Variants in SERGEF observed in about 807,000 individuals in gnomAD.
SERGEF encodes the protein secretion regulating guanine nucleotide exchange factor.
SERGEF carries 51 observed loss-of-function variants against 50.0 expected under a neutral mutation model. The observed-to-expected ratio is 1.02, with a 90% CI of 0.81 to 1.29. The LOEUF is 1.29. Ranked by LOEUF, SERGEF falls within the 50% of genes most tolerant of loss-of-function variation. SERGEF has a pLI of 0.00. For missense variants in SERGEF, 521 were observed against 557.0 expected (o/e 0.94, Z 0.65); for synonymous variants, 205 against 212.4 (o/e 0.97, Z 0.30).
chr11:17,865,065 G>A (rs140289263), intron 10 of SERGEF, among the ~76,000 whole-genome samples: 190 of 152,254 alleles, frequency 1.2e-3, no homozygotes, highest in Admixed American at 0.01. Context: ...ATGCTATTTT[G>A]TTGACCAAAA....
intron 9 of SERGEF, among the ~76,000 whole-genome samples, chr11:17,897,960 C>T (rs992128049): frequency 6.6e-6 from 1 of 152,138 alleles, no homozygotes; most frequent in African/African-American, 2.4e-5. Flanking sequence ...AATTTGAAAC[C>T]TTAAAATACA....
intron 4 of SERGEF, chr11:18,002,194 T>C: frequency 2.8e-6 from 1 of 352,874 alleles, no homozygotes; most frequent in South Asian, 2.3e-5. Flanking sequence ...TACATGTGAC[T>C]TCAGTCTCTT....
At chr11:17,972,209 A>T (rs1853261794) in intron 8 of SERGEF, among the ~76,000 whole-genome samples, 1 of 152,272 alleles carries the variant, frequency 6.6e-6, no homozygotes, top group African/African-American at 2.4e-5. Flanking sequence ...ACAAAGCAGC[A>T]GCAGGGTTTG....
At chr11:17,903,232 T>C (rs1386533047) in intron 9 of SERGEF, among the ~76,000 whole-genome samples, 1 of 152,198 alleles carries the variant, frequency 6.6e-6, no homozygotes, top group African/African-American at 2.4e-5. Context: ...CTAGTCTCTC[T>C]GAACCCCTGG....
At chr11:17,902,976 G>A (rs1338170893) in intron 9 of SERGEF, among the ~76,000 whole-genome samples, 3 of 152,214 alleles carry the variant, frequency 2.0e-5, no homozygotes, top group Non-Finnish European at 2.9e-5. Context: ...AGAATCCAGA[G>A]AGTTGATGCC....
intron 10 of SERGEF, among the ~76,000 whole-genome samples, chr11:17,828,756 C>T (rs1850245827): frequency 6.6e-6 from 1 of 152,158 alleles, no homozygotes; most frequent in Non-Finnish European, 1.5e-5. Context: ...AAAGAAATGT[C>T]CAACATCTGA....
intron 9 of SERGEF, among the ~76,000 whole-genome samples, chr11:17,950,397 A>G (rs1852753075): frequency 1.3e-5 from 2 of 152,202 alleles, no homozygotes; most frequent in Admixed American, 1.3e-4. Context: ...AGTTTCTTTC[A>G]CATAGAAAGT....
At chr11:17,933,528 T>C (rs1852392947) in intron 9 of SERGEF, among the ~76,000 whole-genome samples, 1 of 152,142 alleles carries the variant, frequency 6.6e-6, no homozygotes, top group Admixed American at 6.6e-5. Context: ...TCCATCTATC[T>C]GGGCTTCAGG....
At chr11:17,853,345 C>G (rs542748500) in intron 10 of SERGEF, among the ~76,000 whole-genome samples, 3 of 152,192 alleles carry the variant, frequency 2.0e-5, no homozygotes, top group African/African-American at 7.2e-5. Flanking sequence ...TTCATTTCTT[C>G]TCCTTCCCCT....
chr11:17,826,405 C>T (rs1248995519), intron 10 of SERGEF, among the ~76,000 whole-genome samples: 1 of 152,174 alleles, frequency 6.6e-6, no homozygotes, highest in Non-Finnish European at 1.5e-5. Context: ...TCGGGCTCCC[C>T]AGTGGGAGTT....
At chr11:17,793,451 C>G (rs1459055999) in intron 10 of SERGEF, among the ~76,000 whole-genome samples, 1 of 152,250 alleles carries the variant, frequency 6.6e-6, no homozygotes, top group Non-Finnish European at 1.5e-5. Context: ...CCTAACCTCA[C>G]TTAGGGCCAC....
chr11:17,879,797 T>G (rs1180325474), intron 9 of SERGEF, among the ~76,000 whole-genome samples: 1 of 152,170 alleles, frequency 6.6e-6, no homozygotes, highest in African/African-American at 2.4e-5. Context: ...CATTCCACCA[T>G]GCGTATATAT....
At chr11:17,818,915 CCT>C (rs1251684803) in intron 10 of SERGEF, among the ~76,000 whole-genome samples, 1 of 152,168 alleles carries the variant, frequency 6.6e-6, no homozygotes, top group Admixed American at 6.5e-5. Flanking sequence ...CTTGCAAGGC[CCT>C]CTCTCCAAAG....
At chr11:17,799,836 T>C (rs1400781625) in intron 10 of SERGEF, among the ~76,000 whole-genome samples, 3 of 152,350 alleles carry the variant, frequency 2.0e-5, no homozygotes, top group Admixed American at 1.3e-4. Context: ...TCTGGTGCTA[T>C]GCCCAATTCA....
chr11:17,895,862 A>G (rs1565197555), intron 9 of SERGEF, among the ~76,000 whole-genome samples: 2 of 152,220 alleles, frequency 1.3e-5, no homozygotes, highest in African/African-American at 4.8e-5. Context: ...GTCATACTAT[A>G]TATTCAGTTT....
intron 9 of SERGEF, among the ~76,000 whole-genome samples, chr11:17,896,737 G>A (rs1182998377): frequency 1.5e-5 from 2 of 136,732 alleles, no homozygotes; most frequent in African/African-American, 5.5e-5. Flanking sequence ...GAAGGGTAAC[G>A]GAAGGGTAAC....
Position 17,985,129 on chromosome 11 carries a change from T to C in SERGEF, c.844+3468A>G, listed in dbSNP as rs184804027. Among the ~76,000 whole-genome samples the C allele has an allele frequency of 2.7e-3, 404 of 152,238 alleles. 3 individuals are homozygous for C. The highest frequency in any genetic ancestry group is 8.9e-3 in the African/African-American group (370 of 41,540). On this transcript the variant is annotated intron_variant, in intron 8 of 10. Transcript: ENST00000265965. Reference sequence around the variant, plus strand: ...ATTGAGTATGGCATCCCTGGCCAGCTCATGAGCTTTCAGGCTAGTAGTCTC... The same window carrying C: ...ATTGAGTATGGCATCCCTGGCCAGCCCATGAGCTTTCAGGCTAGTAGTCTC...
chr11:17,837,387 A>C (rs868841033), intron 10 of SERGEF, among the ~76,000 whole-genome samples: 5 of 151,894 alleles, frequency 3.3e-5, no homozygotes, highest in African/African-American at 1.2e-4. Context: ...GTTTGGGTAA[A>C]GGGGGACAGA....
chr11:17,998,246 T>C (rs1389294464), intron 5 of SERGEF, among the ~76,000 whole-genome samples: 3 of 151,270 alleles, frequency 2.0e-5, no homozygotes, highest in Non-Finnish European at 2.9e-5. Flanking sequence ...ACCCCATCTC[T>C]ACAAGAATAA....
Sources: gnomAD v4.1 joint callset for allele counts (sites outside exome capture counted in the v4.1 genomes callset) on GRCh38, gnomAD v4.1.1 for gene constraint, MANE v1.5 for transcripts, NCBI Gene and HGNC (gene_info 2026-07-23, HGNC 2026-07-21) for gene names.